PTCH2: variants seen among roughly 807,000 people sequenced by gnomAD.
The protein encoded by PTCH2 is protein patched homolog 2.
Under a neutral mutation model 117.9 loss-of-function variants are expected in PTCH2, and 96 were observed. The ratio of observed to expected loss-of-function variants is 0.81; its 90% CI spans 0.69 to 0.96. PTCH2 has a LOEUF of 0.96. Ranked by LOEUF, PTCH2 falls within the 50% of genes least tolerant of loss-of-function variation. The probability of loss-of-function intolerance (pLI) is 0.00; values close to 1 mark genes in which losing one functional copy is unlikely to be tolerated. For missense variants in PTCH2, 1,379 were observed against 1,562.5 expected (o/e 0.88, Z 1.98); for synonymous variants, 615 against 660.9 (o/e 0.93, Z 1.06).
Position 44,826,736 on chromosome 1 carries a change from A to G in PTCH2, c.2728T>C (p.Phe910Leu). The G allele has an allele frequency of 1.9e-6, 3 of 1,595,312 alleles. No homozygotes were observed. Among genetic ancestry groups the G allele is most frequent in the Non-Finnish European group, 2.6e-6 (3 of 1,168,734 alleles). Residue 910 changes from phenylalanine (F) to leucine (L), a missense_variant, in exon 18 of 22, where the codon TTC (phenylalanine) becomes CTC (leucine). Coordinates refer to ENST00000372192, the MANE Select transcript of PTCH2 (RefSeq NM_003738.5). This position sits in a 1 kb window ranked among gnomAD's most constrained non-coding sequence, Gnocchi z 5.1. ...PPAQPLEFAQ[F>L]PFLLRGLQKT... The stretch of plus-strand genomic sequence containing the variant: ...TGGAGGCCACGCAGCAGGAAGGGGA[A>G]CTGGGCAAACTCCAAGGGCTGAGCT...
rs1026766335 is a variant in PTCH2 at position 44,831,199 on chromosome 1, G to A, written c.618-156C>T. On this transcript the variant is annotated intron_variant, in intron 5 of 21. Transcript: ENST00000372192. This position sits in a 1 kb window ranked among gnomAD's most constrained non-coding sequence, Gnocchi z 4.3. The stretch of plus-strand genomic sequence containing the variant: ...AGCCTCAGCTTCTCAGAACTGCCAG[G>A]CTGCATGGGCCCACCAGGGTGCTAC... Among the ~76,000 whole-genome samples, 2 of 152,188 alleles carry A rather than the reference G, an allele frequency of 1.3e-5. No homozygotes were observed. Among genetic ancestry groups the A allele is most frequent in the African/African-American group, 4.8e-5 (2 of 41,446 alleles).
At chr1:44,838,724 C>T (rs983648840) in intron 2 of PTCH2, among the ~76,000 whole-genome samples, 2 of 151,090 alleles carry the variant, frequency 1.3e-5, no homozygotes, top group Non-Finnish European at 3.0e-5. Flanking sequence ...CTTTCTTTTT[C>T]TTTTCTTTTT....
intron 21 of PTCH2, 143 bp downstream of exon 21, chr1:44,822,919 TGGGGAAA>T: frequency 1.1e-6 from 1 of 935,444 alleles, no homozygotes; most frequent in African/African-American, 1.6e-5. Flanking sequence ...ACATGGTGTC[TGGGGAAA>T]GGAGGAGGCT....
downstream of PTCH2, chr1:44,820,428 G>C (rs752347446): frequency 4.5e-6 from 3 of 668,798 alleles, no homozygotes; most frequent in Non-Finnish European, 8.3e-6. Flanking sequence ...TTAGAGAGAG[G>C]GACGGGGAAA....
rs1442176860 is a variant in PTCH2, at chr1:44,826,143, C to T, written c.3114+107G>A. The stretch of plus-strand genomic sequence containing the variant: ...TTACAGGAATGAGCTACCACGTCCA[C>T]CCAGCCCAAATTCTTAAATAGTACC... On this transcript the variant is annotated intron_variant, in intron 19 of 21. Coordinates refer to ENST00000372192, the MANE Select transcript of PTCH2 (RefSeq NM_003738.5). The surrounding 1 kb of genome is among the most constrained non-coding windows in gnomAD (Gnocchi z 5.1). 6 of 1,468,720 alleles carry T rather than the reference C, an allele frequency of 4.1e-6. No individual in the cohort carries two copies. In the African/African-American group the frequency reaches 8.4e-5, roughly 21 times the overall value. The allele number at this position is 1,468,720 out of a possible 1,614,324, so 91.0% of individuals were successfully genotyped here.
chr1:44,821,452 C>T (rs1371188355), downstream of PTCH2, among the ~76,000 whole-genome samples: 5 of 152,206 alleles, frequency 3.3e-5, no homozygotes, highest in African/African-American at 1.2e-4. Context: ...GGCTCCTTTC[C>T]CTGGGTCCAC....
At chr1:44,842,404 C>T (rs1259774676) in intron 1 of PTCH2, among the ~76,000 whole-genome samples, 2 of 151,822 alleles carry the variant, frequency 1.3e-5, no homozygotes, top group Non-Finnish European at 2.9e-5. Context: ...CTCAGCCTCC[C>T]GAGTAGTTGG....
chr1:44,822,710 G>A (rs926467305), intron 21 of PTCH2, 41 bp from the exon 22 acceptor site: 2 of 1,594,324 alleles, frequency 1.3e-6, no homozygotes, highest in African/African-American at 2.7e-5. Flanking sequence ...ACGGGCCCCT[G>A]GGGCTCCCGT....
chr1:44,824,087 G>A (rs1653035458), intron 19 of PTCH2, among the ~76,000 whole-genome samples: 1 of 152,220 alleles, frequency 6.6e-6, no homozygotes, highest in Non-Finnish European at 1.5e-5. Flanking sequence ...AGTTGCAGCA[G>A]AGACTCTATG....
intron 2 of PTCH2, among the ~76,000 whole-genome samples, chr1:44,836,711 T>A (rs1039260944): frequency 2.7e-5 from 4 of 145,882 alleles, no homozygotes; most frequent in Admixed American, 2.7e-4. Context: ...TCTCGGGGGA[T>A]GGAAAAGAAA....
chr1:44,831,382 T>G lies in PTCH2; in HGVS notation c.617+324A>C, dbSNP rs1177902734. 6.6e-6 allele frequency among the ~76,000 whole-genome samples: 1 copy of G among 152,252 alleles called. No homozygotes were observed. Among genetic ancestry groups the G allele is most frequent in the Non-Finnish European group, 1.5e-5 (1 of 68,042 alleles). ...AGGCACATGCCTGTAGCAGGTTTTC[T>G]TTCTGGCCTGGGCAATGGCTTAGCA... On this transcript the variant is annotated intron_variant, in intron 5 of 21. Transcript: ENST00000372192. The surrounding 1 kb of genome is among the most constrained non-coding windows in gnomAD (Gnocchi z 4.3).
At chr1:44,827,816 T>TCTCTGCCCTG in intron 14 of PTCH2, 27 bp downstream of exon 14, 1 of 1,613,562 alleles carries the variant, frequency 6.2e-7, no homozygotes, top group Non-Finnish European at 8.5e-7. Context: ...AGATGCTAAG[T>TCTCTGCCCTG]CTCTGCCCTG....
chr1:44,832,017 G>A lies in PTCH2; in HGVS notation c.483C>T (p.Tyr161=), dbSNP rs766571390. The A allele has an allele frequency of 6.2e-7, 1 of 1,613,632 alleles. No homozygotes were observed. Among genetic ancestry groups the A allele is most frequent in the Non-Finnish European group, 8.5e-7 (1 of 1,179,602 alleles). Residue 161 remains tyrosine (Y), a synonymous_variant, in exon 4 of 22, where the codon TAC becomes TAT. Transcript: ENST00000372192. The part of the protein sequence containing the change: ...GKSWDLNKIC[Y]KSGVPLIENG... ...TTTCAATAAGGGGAACTCCTGACTT[G>A]TAGCAGATTTTGTTCAAATCCCAGG...
In PTCH2 at chr1:44,831,800, G is replaced by T. The variant is rs1372886646; in HGVS notation, c.526-3C>A. 3.7e-6 allele frequency: 6 copies of T among 1,609,208 alleles called. No homozygotes were observed. Among genetic ancestry groups the T allele is most frequent in the Non-Finnish European group, 5.1e-6 (6 of 1,177,724 alleles). ...CACGGAAACAGCTTCTCAATCATCTGCCAGGGATACCCCGGGCCACGTCAG... is the reference window on the plus strand; with the variant it reads ...CACGGAAACAGCTTCTCAATCATCTTCCAGGGATACCCCGGGCCACGTCAG... On this transcript the variant is annotated splice_polypyrimidine_tract_variant and splice_region_variant and intron_variant, in intron 4 of 21. Transcript: ENST00000372192. This position sits in a 1 kb window ranked among gnomAD's most constrained non-coding sequence, Gnocchi z 4.3.
rs1375959730 is a variant in PTCH2 at position 44,830,007 on chromosome 1, C to A, written c.837G>T (p.Leu279=). Residue 279 remains leucine (L), a synonymous_variant, in exon 7 of 22, where the codon CTG becomes CTT. Coordinates refer to ENST00000372192, the MANE Select transcript of PTCH2 (RefSeq NM_003738.5). The part of the protein sequence containing the change: ...SRQAPNVAHE[L]SGGCHGFSHK... Reference sequence around the variant, plus strand: ...GGGAGAAGCCATGGCAGCCCCCACTCAGCTCGTGAGCCACATTGGGAGCCT... The same window carrying A: ...GGGAGAAGCCATGGCAGCCCCCACTAAGCTCGTGAGCCACATTGGGAGCCT... The A allele has an allele frequency of 6.2e-6, 10 of 1,614,168 alleles. No individual in the cohort carries two copies. Among genetic ancestry groups the A allele is most frequent in the Non-Finnish European group, 7.6e-6 (9 of 1,180,018 alleles).
chr1:44,834,126 T>TTTC (rs1352179912), intron 2 of PTCH2, among the ~76,000 whole-genome samples: 1 of 151,276 alleles, frequency 6.6e-6, no homozygotes, highest in Admixed American at 6.6e-5. Flanking sequence ...CCTTCCCTTT[T>TTTC]TTTTTTTTTT....
At chr1:44,840,431 C>A (rs542768528) in intron 2 of PTCH2, among the ~76,000 whole-genome samples, 1 of 143,994 alleles carries the variant, frequency 6.9e-6, no homozygotes, top group South Asian at 2.4e-4. Flanking sequence ...ATCATTCTGG[C>A]CAGGCACGGT....
In PTCH2 at chr1:44,827,591, T is replaced by G; in HGVS notation, c.2182A>C (p.Ser728Arg). 1 of 1,613,954 alleles carries G rather than the reference T, an allele frequency of 6.2e-7. No homozygotes were observed. Among genetic ancestry groups the G allele is most frequent in the Non-Finnish European group, 8.5e-7 (1 of 1,179,992 alleles). ...AGGGAGAAGTACCTGAGCTGGGCGC[T>G]CAGGAAGGCATGCTCCTTGGTGCCC... The part of the protein sequence containing the change: ...PRGTKEHAFL[S>R]AQLRYFSLYE... Residue 728 changes from serine to arginine, a missense_variant, in exon 15 of 22, where the codon AGC (serine) becomes CGC (arginine). Physicochemically the swap from Ser to Arg is moderately radical, Grantham distance 110. Transcript: ENST00000372192.
In PTCH2 at chr1:44,827,568, G is replaced by A; in HGVS notation, c.2205C>T (p.Ser735=). 1 of 1,614,144 alleles carries A rather than the reference G, an allele frequency of 6.2e-7. No individual in the cohort carries two copies. The highest frequency in any genetic ancestry group is 8.5e-7 in the Non-Finnish European group (1 of 1,180,028). ...GGGTCACCAGGGCCACCTCGTACAG[G>A]GAGAAGTACCTGAGCTGGGCGCTCA... ...AFLSAQLRYF[S]LYEVALVTQG... The change falls in exon 15 of 22, where the codon TCC becomes TCT. Residue 735 remains serine, a synonymous_variant. Coordinates refer to ENST00000372192, the MANE Select transcript of PTCH2 (RefSeq NM_003738.5).
Sources: allele counts gnomAD v4.1 joint callset (sites outside exome capture counted in the v4.1 genomes callset), GRCh38; gene constraint gnomAD v4.1.1; non-coding constraint Gnocchi (gnomAD v3.1); transcripts MANE v1.5; gene names NCBI Gene and HGNC (gene_info 2026-07-23, HGNC 2026-07-21).